The following COL19A1 variants were observed in gnomAD, a reference collection of about 807,000 sequenced individuals.
COL19A1 encodes the protein collagen alpha-1(XIX) chain.
Under a neutral mutation model 190.2 loss-of-function variants are expected in COL19A1, and 159 were observed. That is an observed-to-expected ratio of 0.84 (90% CI 0.73 to 0.95). The LOEUF (loss-of-function observed/expected upper bound fraction) is 0.95. COL19A1 is among the 40% of genes least tolerant of loss of function. COL19A1 has a pLI of 0.00. For synonymous variants in COL19A1, 509 were observed against 458.9 expected (o/e 1.11, Z -1.39); for missense variants, 1,418 against 1,431.9 (o/e 0.99, Z 0.16).
chr6:70,065,827 A>T (rs1781157429), intron 14 of COL19A1, among the ~76,000 whole-genome samples: 1 of 152,250 alleles, frequency 6.6e-6, no homozygotes. Context: ...TCAAAAGAAG[A>T]TATTTATGCA....
chr6:69,931,282 C>G (rs1179381417), intron 6 of COL19A1, among the ~76,000 whole-genome samples: 1 of 152,062 alleles, frequency 6.6e-6, no homozygotes, highest in South Asian at 2.1e-4. Context: ...AGCATCAGTA[C>G]AGATTTAGCC....
intron 4 of COL19A1, among the ~76,000 whole-genome samples, chr6:69,918,087 G>A (rs913564350): frequency 1.3e-5 from 2 of 152,082 alleles, no homozygotes; most frequent in Admixed American, 6.6e-5. Flanking sequence ...CACAGAGACT[G>A]GAATAGGAGA....
intron 15 of COL19A1, among the ~76,000 whole-genome samples, chr6:70,083,013 T>C (rs1782361765): frequency 6.6e-6 from 1 of 152,194 alleles, no homozygotes; most frequent in South Asian, 2.1e-4. Context: ...CCTCCTGCTG[T>C]GCAGCCCGGT....
rs1298789133 is a variant in COL19A1, at chr6:70,137,677, C to T, written c.1384-8C>T. The T allele has an allele frequency of 6.2e-7, 1 of 1,613,036 alleles. No individual in the cohort carries two copies. Among genetic ancestry groups the T allele is most frequent in the South Asian group, 1.1e-5 (1 of 91,002 alleles). On this transcript the variant is annotated splice_polypyrimidine_tract_variant and splice_region_variant and intron_variant, in intron 18 of 50. Coordinates refer to ENST00000620364, the MANE Select transcript of COL19A1 (RefSeq NM_001858.6). ...CTGCAAAATCTCTCTTCTGCTTTGT[C>T]TTGAAAGGGTGAAACTGGACTACCA...
rs911219232 is a variant in COL19A1, at chr6:70,212,440, A to G, written c.*5166A>G. Among the ~76,000 whole-genome samples the G allele has an allele frequency of 1.3e-5, 2 of 152,194 alleles. No homozygotes were observed. The highest frequency in any genetic ancestry group is 4.8e-5 in the African/African-American group (2 of 41,442). The stretch of plus-strand genomic sequence containing the variant: ...AATGAGCTTGTCACCTATCTCAGCA[A>G]TAAAGGTTCTGACCCTATGTCAGGG... On this transcript the variant is annotated 3_prime_UTR_variant, in exon 51 of 51. Coordinates refer to ENST00000620364, the MANE Select transcript of COL19A1 (RefSeq NM_001858.6).
At chr6:70,024,497 G>C (rs1778615997) in intron 12 of COL19A1, among the ~76,000 whole-genome samples, 1 of 151,994 alleles carries the variant, frequency 6.6e-6, no homozygotes, top group African/African-American at 2.4e-5. Flanking sequence ...TGCCCTAGAT[G>C]TGTTCAGAAA....
chr6:70,019,338 C>A (rs1445988400), intron 11 of COL19A1, among the ~76,000 whole-genome samples: 7 of 151,978 alleles, frequency 4.6e-5, no homozygotes, highest in Admixed American at 3.3e-4. Context: ...GTATAGAGAA[C>A]AAAAGCTACT....
At chr6:69,998,439 G>T (rs937924398) in intron 11 of COL19A1, among the ~76,000 whole-genome samples, 6 of 151,852 alleles carry the variant, frequency 4.0e-5, no homozygotes, top group African/African-American at 7.3e-5. Context: ...GAGATCAGGA[G>T]TTCGAGACCA....
chr6:70,163,922 A>G (rs1787975029), intron 36 of COL19A1, among the ~76,000 whole-genome samples: 1 of 152,156 alleles, frequency 6.6e-6, no homozygotes, highest in Non-Finnish European at 1.5e-5. Context: ...CTGTGTCCTC[A>G]CATAGTAGAA....
At chr6:69,959,471 G>A (rs748412239) in intron 9 of COL19A1, among the ~76,000 whole-genome samples, 1 of 152,152 alleles carries the variant, frequency 6.6e-6, no homozygotes, top group Non-Finnish European at 1.5e-5. Flanking sequence ...TCCAAAGACA[G>A]TGTAGGAAGG....
chr6:70,038,817 A>C (rs1440686068), intron 14 of COL19A1, among the ~76,000 whole-genome samples: 2 of 152,118 alleles, frequency 1.3e-5, no homozygotes, highest in Non-Finnish European at 2.9e-5. Context: ...AAGGCTTAGC[A>C]CCCTCTTCCC....
chr6:70,119,322 T>C (rs1784751251), intron 16 of COL19A1, among the ~76,000 whole-genome samples: 1 of 152,198 alleles, frequency 6.6e-6, no homozygotes, highest in Admixed American at 6.5e-5. Flanking sequence ...AAGGAGTAGA[T>C]AAAGAGGCCT....
At chr6:69,894,305 A>T (rs1769566931) in intron 2 of COL19A1, among the ~76,000 whole-genome samples, 1 of 152,222 alleles carries the variant, frequency 6.6e-6, no homozygotes, top group Admixed American at 6.5e-5. Flanking sequence ...TGCTTTCTTC[A>T]TTAAGGGCCT....
At chr6:69,950,674 CCACACACACA>C (rs56757599) in intron 9 of COL19A1, among the ~76,000 whole-genome samples, 5,731 of 136,214 alleles carry the variant, frequency 0.042, 140 homozygotes, top group East Asian at 0.12. Flanking sequence ...ATGAATGCAG[CCACACACACA>C]CACACACACA....
chr6:69,973,759 G>A (rs936979259), intron 11 of COL19A1: 1 of 151,808 alleles, frequency 6.6e-6, no homozygotes, highest in African/African-American at 2.4e-5. Context: ...CTCTTTTTTG[G>A]AAGTACATTC....
chr6:70,204,791 C>T (rs2346212), intron 49 of COL19A1, among the ~76,000 whole-genome samples: 95,902 of 151,860 alleles, frequency 0.63, 31,338 homozygotes, highest in Middle Eastern at 0.71. Context: ...AAGTACTTAC[C>T]GAGATAGCTG....
chr6:70,101,702 G>A (rs556679081), intron 15 of COL19A1, among the ~76,000 whole-genome samples: 5 of 152,050 alleles, frequency 3.3e-5, no homozygotes, highest in South Asian at 2.1e-4. Context: ...ATTCTAAACC[G>A]TGAATTCTAG....
At position 69,947,513 on chromosome 6, in the gene COL19A1, CTT is replaced by C. The variant is rs1271169338; in HGVS notation, c.936+9415_936+9416del. 5.3e-5 allele frequency among the ~76,000 whole-genome samples: 8 copies of C among 151,744 alleles called. No individual in the cohort carries two copies. In the East Asian group the frequency reaches 1.5e-3, roughly 29 times the overall value. On this transcript the variant is annotated intron_variant, in intron 9 of 50. Transcript: ENST00000620364. ...TATATGCCTATATTAATATTAATAACTTTGCTAAATTTTTAAAGTTCTCATAT... is the reference window on the plus strand; with the variant it reads ...TATATGCCTATATTAATATTAATAACTGCTAAATTTTTAAAGTTCTCATAT...
At chr6:70,142,414 T>C (rs1190500636) in intron 22 of COL19A1, among the ~76,000 whole-genome samples, 1 of 152,222 alleles carries the variant, frequency 6.6e-6, no homozygotes, top group Non-Finnish European at 1.5e-5. Context: ...ACCAAAATTA[T>C]GCAACGTTGA....
Sources: allele counts gnomAD v4.1 joint callset (sites outside exome capture counted in the v4.1 genomes callset), GRCh38; gene constraint gnomAD v4.1.1; transcripts MANE v1.5; gene names NCBI Gene and HGNC (gene_info 2026-07-23, HGNC 2026-07-21).